CUEDC1: variants seen among roughly 807,000 people sequenced by gnomAD.
The protein encoded by CUEDC1 is CUE domain containing 1, also known as CUE domain-containing protein 1.
A neutral mutation model predicts 43.7 loss-of-function variants in CUEDC1; 30 were observed. The ratio of observed to expected loss-of-function variants is 0.69; its 90% CI spans 0.51 to 0.93. The LOEUF (loss-of-function observed/expected upper bound fraction) is 0.93. Among genes scored for constraint, CUEDC1 ranks in the 40% least tolerant of loss-of-function variants. The probability of loss-of-function intolerance (pLI) is 0.00; values close to 1 mark genes in which losing one functional copy is unlikely to be tolerated. For missense variants in CUEDC1, 486 were observed against 549.0 expected, an observed-to-expected ratio of 0.89 and a Z score of 1.15; for synonymous variants, 223 against 223.6, an observed-to-expected ratio of 1.00 and a Z score of 0.02.
At chr17:57,915,784 GGTT>G (rs2074633285) in intron 1 of CUEDC1, among the ~76,000 whole-genome samples, 1 of 152,214 alleles carries the variant, frequency 6.6e-6, no homozygotes, top group Non-Finnish European at 1.5e-5. Context: ...CTCCCTAATA[GGTT>G]GTTAAGAGCC....
At chr17:57,918,217 G>A (rs929721726) in intron 1 of CUEDC1, among the ~76,000 whole-genome samples, 1 of 152,186 alleles carries the variant, frequency 6.6e-6, no homozygotes, top group Admixed American at 6.5e-5. Flanking sequence ...AGGGAACCTG[G>A]GGACTTCCCA....
chr17:57,906,741 C>T (rs964888706), intron 1 of CUEDC1, among the ~76,000 whole-genome samples: 16 of 152,064 alleles, frequency 1.1e-4, no homozygotes, highest in Admixed American at 8.5e-4. Context: ...GAGGCCAAGG[C>T]GGGTGGATCA....
chr17:57,940,433 A>G (rs895185523), intron 1 of CUEDC1, among the ~76,000 whole-genome samples: 1 of 152,084 alleles, frequency 6.6e-6, no homozygotes, highest in Non-Finnish European at 1.5e-5. Context: ...CCAGCTCTGG[A>G]CAATGTGAAT....
chr17:57,866,427 GCCCTGGCCTTGGGCAGT>G (rs1568025179), intron 10 of CUEDC1, 30 bp downstream of exon 10: 2 of 1,576,354 alleles, frequency 1.3e-6, no homozygotes. Context: ...AGTGTGGGGG[GCCCTGGCCTTGGGCAGT>G]CCCTGGGTTG....
chr17:57,889,560 T>C (rs1251640004), intron 1 of CUEDC1, among the ~76,000 whole-genome samples: 8 of 152,200 alleles, frequency 5.3e-5, no homozygotes, highest in African/African-American at 1.9e-4. Flanking sequence ...CCCCACACCC[T>C]GCCTCACATT....
intron 1 of CUEDC1, among the ~76,000 whole-genome samples, chr17:57,924,716 A>G (rs9893497): frequency 0.54 from 81,906 of 151,892 alleles, 23,862 homozygotes; most frequent in African/African-American, 0.73. Context: ...CTATGGAGCC[A>G]AGGGCTGAAG....
At chr17:57,870,934 C>T (rs1487132104) in intron 6 of CUEDC1, among the ~76,000 whole-genome samples, 6 of 152,194 alleles carry the variant, frequency 3.9e-5, no homozygotes, top group Non-Finnish European at 5.9e-5. Context: ...CCACTCTCCT[C>T]GGCCTCTCAA....
At chr17:57,871,450 T>A in intron 5 of CUEDC1, 81 bp from the exon 6 acceptor site, 1 of 1,155,276 alleles carries the variant, frequency 8.7e-7, no homozygotes, top group African/African-American at 1.5e-5. Context: ...CACGGTAGTT[T>A]GCTAGAGGCT....
intron 1 of CUEDC1, among the ~76,000 whole-genome samples, chr17:57,925,025 A>C (rs2074733476): frequency 1.3e-5 from 2 of 152,130 alleles, no homozygotes. Flanking sequence ...CGTTCCATTA[A>C]AAATTCTCAT....
chr17:57,891,693 CA>C (rs1226031454), intron 1 of CUEDC1, among the ~76,000 whole-genome samples: 1 of 152,212 alleles, frequency 6.6e-6, no homozygotes, highest in Non-Finnish European at 1.5e-5. Context: ...GAGCCAAGCA[CA>C]CTCCCACCCA....
At chr17:57,901,038 G>A (rs2074466138) in intron 1 of CUEDC1, among the ~76,000 whole-genome samples, 1 of 152,190 alleles carries the variant, frequency 6.6e-6, no homozygotes, top group Non-Finnish European at 1.5e-5. Context: ...CTGGGGATGT[G>A]CTTTCTAACA....
intron 3 of CUEDC1, among the ~76,000 whole-genome samples, chr17:57,877,569 T>C (rs1333044360): frequency 1.0e-4 from 14 of 136,410 alleles, no homozygotes; most frequent in Non-Finnish European, 1.7e-4. Context: ...CAAAAGTGTA[T>C]TGGAATATTA....
rs891444929 is a variant in CUEDC1, at chr17:57,878,583, A to G, written c.464+1028T>C. On this transcript the variant is annotated intron_variant, in intron 3 of 10. Coordinates refer to ENST00000577830, the MANE Select transcript of CUEDC1 (RefSeq NM_001271875.2). ...ACCCCAGCTCCAGCAGCCCCAGCAC[A>G]AATGTGGAGCCCAGAAAAACAAGCA... Among the ~76,000 whole-genome samples, 10 of 152,238 alleles carry G rather than the reference A, an allele frequency of 6.6e-5. No individual in the cohort carries two copies. The South Asian group carries it at 1.9e-3, about 28-fold the overall frequency.
At chr17:57,911,983 C>T (rs1414688136) in intron 1 of CUEDC1, among the ~76,000 whole-genome samples, 1 of 152,252 alleles carries the variant, frequency 6.6e-6, no homozygotes, top group Non-Finnish European at 1.5e-5. Flanking sequence ...TCAAAAAACA[C>T]TTACTGAGCA....
At chr17:57,870,980 G>T (rs373466830) in intron 6 of CUEDC1, among the ~76,000 whole-genome samples, 1 of 152,312 alleles carries the variant, frequency 6.6e-6, no homozygotes, top group East Asian at 1.9e-4. Flanking sequence ...ACCGCACCTG[G>T]CCATGTGTCA....
At position 57,873,714 on chromosome 17, in the gene CUEDC1, G is replaced by A. The variant is rs111753270; in HGVS notation, c.468C>T (p.Ile156=). Residue 156 remains isoleucine, a synonymous_variant, in exon 4 of 11, where the codon ATC becomes ATT. Transcript: ENST00000577830. ...PLAPPTPPPR[I]DALGSGAPTS... ...TAGGGGCTCCAGAGCCCAGCGCGTC[G>A]ATACTAGGGGATGGCAGGTGACAGG... 1.1e-5 allele frequency: 18 copies of A among 1,570,862 alleles called. No individual in the cohort carries two copies. The highest frequency in any genetic ancestry group is 6.8e-5 in the African/African-American group (5 of 73,312).
intron 4 of CUEDC1, 44 bp downstream of exon 4, chr17:57,873,547 T>C (rs371527270): frequency 3.1e-5 from 46 of 1,502,726 alleles, no homozygotes; most frequent in Non-Finnish European, 3.7e-5. Context: ...AGAGAGATGC[T>C]GGACAAGCAG....
At chr17:57,935,946 C>A (rs1410874439) in intron 1 of CUEDC1, among the ~76,000 whole-genome samples, 5 of 152,220 alleles carry the variant, frequency 3.3e-5, no homozygotes, top group Admixed American at 2.6e-4. Context: ...GGGACTTGAC[C>A]AGCCCTGTCC....
Position 57,935,378 on chromosome 17 carries a change from GACAC to G in CUEDC1, c.-316+19843_-316+19846del, listed in dbSNP as rs146002407. Among the ~76,000 whole-genome samples, 542 of 142,176 alleles carry G rather than the reference GACAC, an allele frequency of 3.8e-3. 2 individuals carry two copies. The highest frequency in any genetic ancestry group is 0.013 in the African/African-American group (504 of 38,642). The allele number at this position is 142,176 out of a possible 152,430, so 93.3% of individuals were successfully genotyped here. A position where few individuals can be genotyped will look rare whatever the true frequency, so the allele number is the denominator to read the frequency against. On this transcript the variant is annotated intron_variant, in intron 1 of 10. Transcript: ENST00000577830. ...TTTTAAGCTTCCCTCCCTTCCATTA[GACAC>G]ACACACACACACACACACACACAAA...
Sources: gnomAD v4.1 joint callset for allele counts (sites outside exome capture counted in the v4.1 genomes callset) on GRCh38, gnomAD v4.1.1 for gene constraint, MANE v1.5 for transcripts, NCBI Gene and HGNC (gene_info 2026-07-23, HGNC 2026-07-21) for gene names.